The following MAP3K4 variants were observed in gnomAD, a reference collection of about 807,000 sequenced individuals.
The protein encoded by MAP3K4 is MAP three kinase 1.
MAP3K4 carries 67 observed loss-of-function variants against 185.6 expected under a neutral mutation model. The ratio of observed to expected loss-of-function variants is 0.36; its 90% CI spans 0.30 to 0.44. The LOEUF is 0.44. Ranked by LOEUF, MAP3K4 falls within the 20% of genes least tolerant of loss-of-function variation. MAP3K4 has a pLI of 1.00. For missense variants in MAP3K4, 1,551 were observed against 1,995.1 expected (o/e 0.78, Z 4.24); for synonymous variants, 702 against 710.4 (o/e 0.99, Z 0.19).
intron 1 of MAP3K4, among the ~76,000 whole-genome samples, chr6:161,002,550 A>G (rs1361545216): frequency 6.6e-6 from 1 of 150,542 alleles, no homozygotes; most frequent in Non-Finnish European, 1.5e-5. Flanking sequence ...AAAGAAGAAA[A>G]TGACCAATTC....
At chr6:161,000,896 T>C (rs893371315) in intron 1 of MAP3K4, among the ~76,000 whole-genome samples, 1 of 149,314 alleles carries the variant, frequency 6.7e-6, no homozygotes. Context: ...ATACTATACA[T>C]ATATGTACAC....
Position 161,089,394 on chromosome 6 carries a change from A to G in MAP3K4, c.2896A>G (p.Ile966Val), listed in dbSNP as rs762197637. 6 of 1,614,108 alleles carry G rather than the reference A, an allele frequency of 3.7e-6. No homozygotes were observed. The highest frequency in any genetic ancestry group is 1.1e-5 in the South Asian group (1 of 91,086). The stretch of plus-strand genomic sequence containing the variant: ...TCAGAGAAAAGCTTTCCAGCAGTCC[A>G]TTGAGGGACTTATGACTCTGTGCCA... ...TIQRKAFQQSIEGLMTLCQEQ... is the reference protein window; with the variant it reads ...TIQRKAFQQSVEGLMTLCQEQ... Residue 966 changes from isoleucine to valine, a missense_variant, in exon 11 of 27, where the codon ATT becomes GTT. By Grantham distance (29) the Ile-to-Val change is conservative. Transcript: ENST00000392142.
At chr6:160,997,984 A>G (rs1426246352) in intron 1 of MAP3K4, among the ~76,000 whole-genome samples, 1 of 152,192 alleles carries the variant, frequency 6.6e-6, no homozygotes, top group East Asian at 1.9e-4. Flanking sequence ...TCCCCAGAGA[A>G]AAGCAGAGAG....
In MAP3K4 at chr6:161,106,752, T is replaced by C. The variant is rs7772379; in HGVS notation, c.4048+47T>C. On this transcript the variant is annotated intron_variant, in intron 20 of 26. Coordinates refer to ENST00000392142, the MANE Select transcript of MAP3K4 (RefSeq NM_005922.4). This position sits in a 1 kb window ranked among gnomAD's most constrained non-coding sequence, Gnocchi z 4.9. ...ATGTCAAGATAGTCCCTGTTAGAAG[T>C]AGCAATAGTTATACTTCTTTAGGTT... 14,131 of 1,465,290 alleles carry C rather than the reference T, an allele frequency of 9.6e-3. 943 individuals carry two copies. The African/African-American group carries it at 0.16, about 16-fold the overall frequency. The allele number at this position is 1,465,290 out of a possible 1,614,324, so 90.8% of individuals were successfully genotyped here. A position where few individuals can be genotyped will look rare whatever the true frequency, so the allele number is the denominator to read the frequency against.
intron 13 of MAP3K4, among the ~76,000 whole-genome samples, chr6:161,092,752 A>G (rs1288594973): frequency 6.6e-6 from 1 of 152,228 alleles, no homozygotes; most frequent in Non-Finnish European, 1.5e-5. Context: ...TATCATGTCT[A>G]AAATCCTCTT....
At chr6:161,079,843 A>G (rs1451285478) in intron 5 of MAP3K4, among the ~76,000 whole-genome samples, 1 of 152,218 alleles carries the variant, frequency 6.6e-6, no homozygotes, top group Non-Finnish European at 1.5e-5. Flanking sequence ...AGCAGAAGAC[A>G]GTTGTCTTGA....
At chr6:161,055,853 C>A (rs1784211079) in intron 3 of MAP3K4, among the ~76,000 whole-genome samples, 1 of 152,100 alleles carries the variant, frequency 6.6e-6, no homozygotes, top group Non-Finnish European at 1.5e-5. Context: ...TACTCCAATT[C>A]TTTGGAAGTA....
chr6:161,034,665 G>C lies in MAP3K4; in HGVS notation c.343+216G>C, dbSNP rs188485725. Among the ~76,000 whole-genome samples the C allele has an allele frequency of 6.6e-6, 1 of 152,232 alleles. No homozygotes were observed. Among genetic ancestry groups the C allele is most frequent in the African/African-American group, 2.4e-5 (1 of 41,544 alleles). On this transcript the variant is annotated intron_variant, in intron 2 of 26. Transcript: ENST00000392142. This position sits in a 1 kb window ranked among gnomAD's most constrained non-coding sequence, Gnocchi z 4.4. ...TTGTCCTGAGTAATGGTTAAAGCCA[G>C]CAATGCACGGGCATTTGAAGAAGTG...
Position 161,031,097 on chromosome 6 carries a change from A to G in MAP3K4, c.153-3162A>G, listed in dbSNP as rs182725701. ...ATCTTCGTTTCAGTGTGATTTTTAA[A>G]TGTTTACTGCTAGAATAATTAGATA... On this transcript the variant is annotated intron_variant, in intron 1 of 26. Transcript: ENST00000392142. Among the ~76,000 whole-genome samples, 4 of 152,292 alleles carry G rather than the reference A, an allele frequency of 2.6e-5. No individual in the cohort carries two copies. The East Asian group carries it at 5.8e-4, about 22-fold the overall frequency.
intron 1 of MAP3K4, among the ~76,000 whole-genome samples, chr6:161,032,946 T>TA (rs944016539): frequency 3.9e-5 from 6 of 152,230 alleles, no homozygotes; most frequent in Non-Finnish European, 8.8e-5. Context: ...ATGCAGTTAT[T>TA]AAAAAATCAG....
chr6:161,014,559 G>A (rs775022013), intron 1 of MAP3K4, among the ~76,000 whole-genome samples: 61 of 152,268 alleles, frequency 4.0e-4, no homozygotes, highest in Non-Finnish European at 7.4e-4. Context: ...AAGTGAGATA[G>A]TCCCTTTTTT....
rs1352222613 is a variant in MAP3K4, at chr6:161,087,510, C to T, written c.2557-178C>T. Reference sequence around the variant, plus strand: ...CTCCAGTGCGTTCACAGACTCTCCTCCTCCTGCCTCCTTCAGTCACACTGA... The same window carrying T: ...CTCCAGTGCGTTCACAGACTCTCCTTCTCCTGCCTCCTTCAGTCACACTGA... On this transcript the variant is annotated intron_variant, in intron 9 of 26. Transcript: ENST00000392142. This position sits in a 1 kb window ranked among gnomAD's most constrained non-coding sequence, Gnocchi z 4.9. Among the ~76,000 whole-genome samples, 32 of 152,292 alleles carry T rather than the reference C, an allele frequency of 2.1e-4. No homozygotes were observed. Among genetic ancestry groups the T allele is most frequent in the Admixed American group, 2.0e-3 (31 of 15,294 alleles).
In MAP3K4 at chr6:161,048,203, A is replaced by G. The variant is rs1190156839; in HGVS notation, c.344-413A>G. The stretch of plus-strand genomic sequence containing the variant: ...GATTTCCTCTTAAGTTTACACATTT[A>G]GCTAATGACAAATGCAGGAATTAAA... On this transcript the variant is annotated intron_variant, in intron 2 of 26. Coordinates refer to ENST00000392142, the MANE Select transcript of MAP3K4 (RefSeq NM_005922.4). The surrounding 1 kb of genome is among the most constrained non-coding windows in gnomAD (Gnocchi z 4.7). 1.9e-6 allele frequency: 1 copy of G among 528,320 alleles called. No individual in the cohort carries two copies. Among genetic ancestry groups the G allele is most frequent in the East Asian group, 5.5e-5 (1 of 18,154 alleles). The allele number at this position is 528,320 out of a possible 1,614,324, so 32.7% of individuals were successfully genotyped here. A position where few individuals can be genotyped will look rare whatever the true frequency, so the allele number is the denominator to read the frequency against.
chr6:161,113,381 G>C (rs1778436147), intron 25 of MAP3K4, among the ~76,000 whole-genome samples: 1 of 152,220 alleles, frequency 6.6e-6, no homozygotes, highest in South Asian at 2.1e-4. Flanking sequence ...GGAACAGAGA[G>C]ACGAGTAAGT....
chr6:161,066,636 T>C (rs1176371036), intron 3 of MAP3K4, among the ~76,000 whole-genome samples: 1 of 152,220 alleles, frequency 6.6e-6, no homozygotes, highest in Non-Finnish European at 1.5e-5. Context: ...CCAGCTGTTC[T>C]GATTCTTCCC....
intron 2 of MAP3K4, among the ~76,000 whole-genome samples, chr6:161,046,816 A>T (rs998786643): frequency 6.6e-6 from 1 of 150,684 alleles, no homozygotes; most frequent in African/African-American, 2.4e-5. Context: ...AAATCTGAAG[A>T]TATACTAATA....
In MAP3K4 at chr6:161,048,170, A is replaced by C. The variant is rs568069827; in HGVS notation, c.344-446A>C. On this transcript the variant is annotated intron_variant, in intron 2 of 26. Coordinates refer to ENST00000392142, the MANE Select transcript of MAP3K4 (RefSeq NM_005922.4). This position sits in a 1 kb window ranked among gnomAD's most constrained non-coding sequence, Gnocchi z 4.7. ...ATCAATGAGAAAAGTAATCCAGATA[A>C]TTTACGTGATTTCCTCTTAAGTTTA... is the stretch of plus-strand genomic sequence containing the variant. 1.5e-4 allele frequency: 73 copies of C among 497,670 alleles called. No individual in the cohort carries two copies. Among genetic ancestry groups the C allele is most frequent in the African/African-American group, 1.3e-3 (64 of 50,348 alleles). 30.8% of individuals were successfully genotyped at this position (497,670 alleles called of 1,614,324 possible). A position where few individuals can be genotyped will look rare whatever the true frequency, so the allele number is the denominator to read the frequency against.
intron 1 of MAP3K4, among the ~76,000 whole-genome samples, chr6:161,029,428 A>G (rs548972139): frequency 6.6e-6 from 1 of 152,164 alleles, no homozygotes; most frequent in Admixed American, 6.5e-5. Flanking sequence ...CTTTTCACAC[A>G]TTTTTCCTCT....
chr6:161,100,639 A>C lies in MAP3K4; in HGVS notation c.3675-1253A>C, dbSNP rs9458120. Among the ~76,000 whole-genome samples, 2,671 of 152,292 alleles carry C rather than the reference A, an allele frequency of 0.018. 47 individuals carry two copies. The highest frequency in any genetic ancestry group is 0.041 in the African/African-American group (1,712 of 41,566). The stretch of plus-strand genomic sequence containing the variant: ...ATCCCCCACCAGAGCTAGTCGTTCA[A>C]CATTCCCCAATATGCCACTTCATGA... On this transcript the variant is annotated intron_variant, in intron 17 of 26. Coordinates refer to ENST00000392142, the MANE Select transcript of MAP3K4 (RefSeq NM_005922.4). This position sits in a 1 kb window ranked among gnomAD's most constrained non-coding sequence, Gnocchi z 5.8.
Sources: gnomAD v4.1 joint callset for allele counts (sites outside exome capture counted in the v4.1 genomes callset) on GRCh38, gnomAD v4.1.1 for gene constraint, Gnocchi (gnomAD v3.1) non-coding constraint, MANE v1.5 for transcripts, NCBI Gene and HGNC (gene_info 2026-07-23, HGNC 2026-07-21) for gene names.